PAQR5: variants seen among roughly 807,000 people sequenced by gnomAD.
PAQR5 encodes the protein progestin and adipoQ receptor family member 5, also known as membrane progestin receptor gamma.
In PAQR5, 20 loss-of-function variants were observed where a neutral mutation model predicts 34.5. The ratio of observed to expected loss-of-function variants is 0.58; its 90% CI spans 0.41 to 0.84. The LOEUF (loss-of-function observed/expected upper bound fraction) is 0.84, where lower values mean the gene tolerates loss of function less well. Ranked by LOEUF, PAQR5 falls within the 40% of genes least tolerant of loss-of-function variation. The pLI is 0.00. For synonymous variants in PAQR5, 131 were observed against 155.6 expected (o/e 0.84, Z 1.18); for missense variants, 378 against 412.7 (o/e 0.92, Z 0.73).
chr15:69,369,664 T>G (rs758781626), intron 3 of PAQR5, among the ~76,000 whole-genome samples: 4 of 152,170 alleles, frequency 2.6e-5, no homozygotes, highest in Non-Finnish European at 5.9e-5. Flanking sequence ...TCACTTGAGA[T>G]TTCCTGGACC....
chr15:69,361,572 C>A (rs1270165787), intron 3 of PAQR5, among the ~76,000 whole-genome samples: 1 of 152,106 alleles, frequency 6.6e-6, no homozygotes, highest in Non-Finnish European at 1.5e-5. Flanking sequence ...CCTCAGGTAA[C>A]TTACAATCAT....
chr15:69,397,602 ACAC>A (rs1171742431), intron 7 of PAQR5, 38 bp downstream of exon 7: 2 of 1,324,534 alleles, frequency 1.5e-6, no homozygotes, highest in Admixed American at 3.4e-5. Context: ...CCTGTTGGCA[ACAC>A]CAGGAAGTCA....
chr15:69,361,883 G>T (rs1410266160), intron 3 of PAQR5, among the ~76,000 whole-genome samples: 2 of 152,076 alleles, frequency 1.3e-5, no homozygotes, highest in Admixed American at 6.6e-5. Context: ...TTGTGGAAGT[G>T]GGGAGAGCAT....
chr15:69,378,822 T>G (rs1268148089), intron 3 of PAQR5, among the ~76,000 whole-genome samples: 2 of 152,096 alleles, frequency 1.3e-5, no homozygotes, highest in Non-Finnish European at 2.9e-5. Context: ...TTGTCACAAC[T>G]TGGGGGGTAG....
intron 1 of PAQR5, among the ~76,000 whole-genome samples, chr15:69,331,307 C>T (rs866516467): frequency 2.2e-4 from 34 of 152,234 alleles, no homozygotes; most frequent in Middle Eastern, 3.4e-3. Context: ...TCAGCTCCTG[C>T]GGGGTCTCAG....
At chr15:69,305,175 T>C (rs2053687179) in intron 1 of PAQR5, among the ~76,000 whole-genome samples, 2 of 152,148 alleles carry the variant, frequency 1.3e-5, no homozygotes, top group South Asian at 4.1e-4. Flanking sequence ...CCCTGGCTTC[T>C]ACCCAGCAGA....
rs181514792 is a variant in PAQR5 at position 69,360,310 on chromosome 15, A to G, written c.51+179A>G. 5.9e-5 allele frequency among the ~76,000 whole-genome samples: 9 copies of G among 152,336 alleles called. No homozygotes were observed. In the East Asian group the frequency reaches 1.4e-3, roughly 23 times the overall value. Reference sequence around the variant, plus strand: ...CTCCTACTTCCCCCACCTACCTTGAAATGGAAGTATTCCCAAAGTTGTTTA... The same window carrying G: ...CTCCTACTTCCCCCACCTACCTTGAGATGGAAGTATTCCCAAAGTTGTTTA... On this transcript the variant is annotated intron_variant, in intron 3 of 8. Coordinates refer to ENST00000395407, the MANE Select transcript of PAQR5 (RefSeq NM_017705.4).
chr15:69,387,582 A>G lies in PAQR5; in HGVS notation c.386-2072A>G, dbSNP rs553659860. ...TTGTTAACCGTGGCAGCAGTCCCTG[A>G]GGTAGGTCCTAGTGTCATATCCATG... On this transcript the variant is annotated intron_variant, in intron 5 of 8. Transcript: ENST00000395407. Among the ~76,000 whole-genome samples the G allele has an allele frequency of 1.2e-4, 19 of 152,348 alleles. No individual in the cohort carries two copies. The South Asian group carries it at 3.9e-3, about 32-fold the overall frequency.
At chr15:69,376,010 A>G (rs916411848) in intron 3 of PAQR5, among the ~76,000 whole-genome samples, 6 of 152,238 alleles carry the variant, frequency 3.9e-5, no homozygotes, top group Non-Finnish European at 8.8e-5. Context: ...TTGGCCATGC[A>G]AGAAGGCTTT....
chr15:69,305,994 C>T (rs1483996751), intron 1 of PAQR5, among the ~76,000 whole-genome samples: 1 of 152,144 alleles, frequency 6.6e-6, no homozygotes, highest in East Asian at 1.9e-4. Flanking sequence ...GGATTCATTC[C>T]TTCATTGAAG....
chr15:69,309,665 C>T (rs1340068594), intron 1 of PAQR5, among the ~76,000 whole-genome samples: 2 of 152,150 alleles, frequency 1.3e-5, no homozygotes, highest in African/African-American at 4.8e-5. Context: ...TTATTTCCCC[C>T]GGATGGTGGC....
chr15:69,391,921 G>C (rs2056285237), intron 6 of PAQR5: 2 of 390,444 alleles, frequency 5.1e-6, no homozygotes, highest in African/African-American at 2.1e-5. Flanking sequence ...GCTGGGTGTG[G>C]TGGCAGGTAC....
Position 69,322,750 on chromosome 15 carries a change from A to G in PAQR5, c.-276-14591A>G, listed in dbSNP as rs1182239209. Reference sequence around the variant, plus strand: ...GAAGAAGAAGAAGAAGAAGAAGAAGAAGAAGAAGAAGAAGAAGAAGAGGGA... The same window carrying G: ...GAAGAAGAAGAAGAAGAAGAAGAAGGAGAAGAAGAAGAAGAAGAAGAGGGA... On this transcript the variant is annotated intron_variant, in intron 1 of 8. Coordinates refer to ENST00000395407, the MANE Select transcript of PAQR5 (RefSeq NM_017705.4). Among the ~76,000 whole-genome samples, 152 of 40,422 alleles carry G rather than the reference A, an allele frequency of 3.8e-3. 4 individuals are homozygous for G. Among genetic ancestry groups the G allele is most frequent in the East Asian group, 0.015 (16 of 1,084 alleles). 26.5% of individuals were successfully genotyped at this position (40,422 alleles called of 152,430 possible). A position where few individuals can be genotyped will look rare whatever the true frequency, so the allele number is the denominator to read the frequency against.
At chr15:69,322,578 C>A (rs2054122410) in intron 1 of PAQR5, among the ~76,000 whole-genome samples, 1 of 141,540 alleles carries the variant, frequency 7.1e-6, no homozygotes, top group South Asian at 2.3e-4. Context: ...TCATTTCAGC[C>A]TAGGAGGTCG....
intron 1 of PAQR5, among the ~76,000 whole-genome samples, chr15:69,335,877 G>A (rs926033662): frequency 2.0e-5 from 3 of 152,088 alleles, no homozygotes; most frequent in Non-Finnish European, 4.4e-5. Flanking sequence ...CAACTGGATC[G>A]AGATATAAAA....
chr15:69,393,078 G>A (rs1313974517), intron 6 of PAQR5, among the ~76,000 whole-genome samples: 1 of 152,080 alleles, frequency 6.6e-6, no homozygotes, highest in East Asian at 1.9e-4. Context: ...AGCAGCAACT[G>A]AAGTGGGAGC....
intron 5 of PAQR5, among the ~76,000 whole-genome samples, chr15:69,388,116 C>T (rs1312678064): frequency 1.3e-5 from 2 of 152,054 alleles, no homozygotes; most frequent in African/African-American, 2.4e-5. Context: ...ACTCCCGGCT[C>T]CACCCTCTGC....
At chr15:69,347,117 A>G (rs2054795421) in intron 2 of PAQR5, among the ~76,000 whole-genome samples, 1 of 152,080 alleles carries the variant, frequency 6.6e-6, no homozygotes, top group East Asian at 1.9e-4. Context: ...CCACCACGCC[A>G]GGCCTCCAGC....
intron 1 of PAQR5, among the ~76,000 whole-genome samples, chr15:69,313,456 C>T (rs1448281329): frequency 1.3e-5 from 2 of 151,984 alleles, no homozygotes; most frequent in African/African-American, 4.8e-5. Flanking sequence ...GCTGTGATTG[C>T]ACCACTGCAC....
Sources: gnomAD v4.1 joint callset for allele counts (sites outside exome capture counted in the v4.1 genomes callset) on GRCh38, gnomAD v4.1.1 for gene constraint, MANE v1.5 for transcripts, NCBI Gene and HGNC (gene_info 2026-07-23, HGNC 2026-07-21) for gene names.